The following PPRC1 variants were observed in gnomAD, a reference collection of about 807,000 sequenced individuals.
The protein encoded by PPRC1 is PPARG related coactivator 1, also known as peroxisome proliferator-activated receptor gamma coactivator-related protein 1.
Under a neutral mutation model 132.5 loss-of-function variants are expected in PPRC1, and 23 were observed. The ratio of observed to expected loss-of-function variants is 0.17; its 90% confidence interval spans 0.12 to 0.25. The LOEUF (loss-of-function observed/expected upper bound fraction) is 0.25, where lower values mean the gene tolerates loss of function less well. PPRC1 is among the 10% of genes least tolerant of loss of function. PPRC1 has a pLI of 1.00. For synonymous variants in PPRC1, 872 were observed against 833.5 expected (o/e 1.05, Z -0.80); for missense variants, 2,006 against 2,089.1 (o/e 0.96, Z 0.78).
chr10:102,137,212 G>A lies in PPRC1; in HGVS notation c.154-638G>A, dbSNP rs532573268. Among the ~76,000 whole-genome samples the A allele has an allele frequency of 2.7e-3, 409 of 152,196 alleles. 1 individual carries two copies. Among genetic ancestry groups the A allele is most frequent in the African/African-American group, 8.8e-3 (366 of 41,540 alleles). On this transcript the variant is annotated intron_variant, in intron 1 of 13. Coordinates refer to ENST00000278070, the MANE Select transcript of PPRC1 (RefSeq NM_015062.5). ...AAATTAGCTGGGCGTGGTGGTGGGC[G>A]CCTATAATCCCAGCTGCTCCGGAGG...
chr10:102,138,561 T>A, intron 2 of PPRC1, 58 bp from the exon 3 acceptor site: 1 of 1,584,276 alleles, frequency 6.3e-7, no homozygotes, highest in Admixed American at 1.7e-5. Flanking sequence ...CAGTCCTTAG[T>A]GGCATAGTAG....
At chr10:102,122,411 A>G in the PPRC1 span, among the ~76,000 whole-genome samples, 1 of 150,992 alleles carries the variant, frequency 6.6e-6, no homozygotes, top group Non-Finnish European at 1.5e-5. Context: ...ACACCCAGTC[A>G]CGTAGCCCAG....
the PPRC1 span, among the ~76,000 whole-genome samples, chr10:102,127,875 A>G: frequency 1.3e-5 from 2 of 151,642 alleles, no homozygotes; most frequent in Non-Finnish European, 2.9e-5. Context: ...TTTTCTAGAG[A>G]CAGGGGTTTC....
the PPRC1 span, among the ~76,000 whole-genome samples, chr10:102,122,652 A>C: frequency 8.6e-5 from 13 of 151,866 alleles, no homozygotes; most frequent in African/African-American, 3.1e-4. Flanking sequence ...CCAAACAACT[A>C]GCTTGGTCAG....
upstream of PPRC1, among the ~76,000 whole-genome samples, chr10:102,131,724 C>T (rs528014556): frequency 1.3e-5 from 2 of 152,224 alleles, no homozygotes; most frequent in African/African-American, 4.8e-5. Context: ...GTGGCATGAT[C>T]TTGGCTCACT....
chr10:102,139,553 G>T lies in PPRC1; in HGVS notation c.1045G>T (p.Val349Leu). The T allele has an allele frequency of 6.2e-7, 1 of 1,613,934 alleles. No homozygotes were observed. The highest frequency in any genetic ancestry group is 1.3e-5 in the African/African-American group (1 of 75,062). The change falls in exon 5 of 14, where the codon GTG becomes TTG. Residue 349 changes from valine (V) to leucine (L), a missense_variant. By Grantham distance (32) the Val-to-Leu change is conservative. Transcript: ENST00000278070. ...LPEGCVVLEI[V>L]GQAATAGDDL... ...TGAGGGCTGCGTAGTGCTGGAGATT[G>T]TGGGGCAGGCAGCCACAGCTGGCGA...
intron 8 of PPRC1, among the ~76,000 whole-genome samples, chr10:102,145,849 G>A (rs1484428415): frequency 6.6e-6 from 1 of 152,026 alleles, no homozygotes; most frequent in Non-Finnish European, 1.5e-5. Context: ...TAGGCGACAG[G>A]GCAAGACTCT....
At position 102,148,837 on chromosome 10, in the gene PPRC1, C is replaced by T. The variant is rs1432966812; in HGVS notation, c.4638C>T (p.Phe1546=). 6.2e-7 allele frequency: 1 copy of T among 1,614,114 alleles called. No homozygotes were observed. Among genetic ancestry groups the T allele is most frequent in the African/African-American group, 1.3e-5 (1 of 75,014 alleles). The part of the protein sequence containing the change: ...ERAIEERRVV[F]IGKIPGRMTR... ...CATAGGAAGAAAGAAGGGTGGTCTT[C>T]ATTGGAAAGATACCTGGCCGCATGA... is the stretch of plus-strand genomic sequence containing the variant. Residue 1546 remains phenylalanine, a synonymous_variant, in exon 12 of 14, where the codon TTC becomes TTT. Transcript: ENST00000278070. This position sits in a 1 kb window ranked among gnomAD's most constrained non-coding sequence, Gnocchi z 4.2.
At position 102,148,988 on chromosome 10, in the gene PPRC1, C is replaced by G; in HGVS notation, c.4739+50C>G. On this transcript the variant is annotated intron_variant, in intron 12 of 13. Transcript: ENST00000278070. The surrounding 1 kb of genome is among the most constrained non-coding windows in gnomAD (Gnocchi z 4.2). Reference sequence around the variant, plus strand: ...ATGTTCTTTCTATCCCATTCATCTACCTTGGTGTTTCTTTGTCTTGCCTCC... The same window carrying G: ...ATGTTCTTTCTATCCCATTCATCTAGCTTGGTGTTTCTTTGTCTTGCCTCC... The G allele has an allele frequency of 6.2e-7, 1 of 1,600,320 alleles. No individual in the cohort carries two copies. Among genetic ancestry groups the G allele is most frequent in the South Asian group, 1.1e-5 (1 of 89,200 alleles).
intron 7 of PPRC1, 180 bp downstream of exon 7, chr10:102,144,487 G>T: frequency 1.6e-6 from 1 of 629,234 alleles, no homozygotes; most frequent in Non-Finnish European, 2.8e-6. Context: ...GGGTGGTGAG[G>T]TGAGAACGGG....
rs1472403505 is a variant in PPRC1, at chr10:102,141,742, G to C, written c.3234G>C (p.Gln1078His). 1.1e-5 allele frequency: 17 copies of C among 1,613,990 alleles called. No homozygotes were observed. The East Asian group carries it at 3.3e-4, about 32-fold the overall frequency. The change falls in exon 5 of 14, where the codon CAG becomes CAC. Residue 1078 changes from glutamine (Q) to histidine (H), a missense_variant. Coordinates refer to ENST00000278070, the MANE Select transcript of PPRC1 (RefSeq NM_015062.5). ...HKVSALVQSP[Q>H]MKALACVSAE... ...TGTCTGCCCTGGTGCAAAGTCCCCA[G>C]ATGAAGGCTCTAGCATGTGTGTCTG...
At chr10:102,130,635 T>C (rs1190740644), upstream of PPRC1, among the ~76,000 whole-genome samples, 1 of 151,680 alleles carries the variant, frequency 6.6e-6, no homozygotes, top group African/African-American at 2.4e-5. Context: ...CTCAGGAGGC[T>C]GAGGCACAAG....
chr10:102,149,014 T>G, intron 12 of PPRC1, 76 bp downstream of exon 12: 19 of 1,585,318 alleles, frequency 1.2e-5, no homozygotes, highest in Non-Finnish European at 1.5e-5. Context: ...TCTTGCCTCC[T>G]TGCTCTGGTG....
intron 4 of PPRC1, 38 bp from the exon 5 acceptor site, chr10:102,139,062 A>G (rs1377089727): frequency 1.2e-6 from 2 of 1,607,654 alleles, no homozygotes; most frequent in East Asian, 4.5e-5. Flanking sequence ...TACTTTCCCA[A>G]AGAAAACTCC....
At chr10:102,130,416 CAAAAAAAAAAAAAA>C (rs1203599289), upstream of PPRC1, among the ~76,000 whole-genome samples, 4 of 15,970 alleles carry the variant, frequency 2.5e-4, no homozygotes, top group Admixed American at 8.7e-4. Context: ...GAATCCTTCT[CAAAAAAAAAAAAAA>C]AAAAAAAAAA....
chr10:102,147,298 C>A lies in PPRC1; in HGVS notation c.4306C>A (p.Arg1436=). The change falls in exon 9 of 14, where the codon CGG becomes AGG. Residue 1436 remains arginine (R), a synonymous_variant. Coordinates refer to ENST00000278070, the MANE Select transcript of PPRC1 (RefSeq NM_015062.5). ...NSRSVSSGSN[R]TSEASSSSSS... ...CCGTTCTGTCAGCTCTGGGTCCAACCGGACTAGCGAAGCATCTTCCTCATC... is the reference window on the plus strand; with the variant it reads ...CCGTTCTGTCAGCTCTGGGTCCAACAGGACTAGCGAAGCATCTTCCTCATC... 1.2e-6 allele frequency: 2 copies of A among 1,612,750 alleles called. No individual in the cohort carries two copies. Among genetic ancestry groups the A allele is most frequent in the Non-Finnish European group, 1.7e-6 (2 of 1,180,014 alleles).
At chr10:102,137,820 A>G (rs750018296) in intron 1 of PPRC1, 30 bp from the exon 2 acceptor site, 8 of 1,604,602 alleles carry the variant, frequency 5.0e-6, no homozygotes, top group African/African-American at 2.7e-5. Context: ...CAGAGAGCTC[A>G]TACCCTTCTC....
Position 102,141,150 on chromosome 10 carries a change from T to G in PPRC1, c.2642T>G (p.Phe881Cys). The change falls in exon 5 of 14, where the codon TTC becomes TGC. Residue 881 changes from phenylalanine to cysteine, a missense_variant. Coordinates refer to ENST00000278070, the MANE Select transcript of PPRC1 (RefSeq NM_015062.5). ...CCCTCGATGTCTGCTGCCCTGCCTT[T>G]CCCTGCAGGTGGGCTTGGCATGCCC... ...TPPSMSAALPFPAGGLGMPPS... is the reference protein window; with the variant it reads ...TPPSMSAALPCPAGGLGMPPS... 1 of 1,613,962 alleles carries G rather than the reference T, an allele frequency of 6.2e-7. No homozygotes were observed. Among genetic ancestry groups the G allele is most frequent in the South Asian group, 1.1e-5 (1 of 91,082 alleles).
At position 102,148,532 on chromosome 10, in the gene PPRC1, G is replaced by A; in HGVS notation, c.4550+11G>A. ...TGACAGGAGGCGGCGGTGAGCATGT[G>A]TTCAGGGAGCGCCATGCACCTGGGA... On this transcript the variant is annotated intron_variant, in intron 10 of 13. Coordinates refer to ENST00000278070, the MANE Select transcript of PPRC1 (RefSeq NM_015062.5). The surrounding 1 kb of genome is among the most constrained non-coding windows in gnomAD (Gnocchi z 4.2). 1.9e-6 allele frequency: 3 copies of A among 1,613,010 alleles called. No homozygotes were observed. Among genetic ancestry groups the A allele is most frequent in the Non-Finnish European group, 1.7e-6 (2 of 1,178,942 alleles).
Sources: gnomAD v4.1 joint callset for allele counts (sites outside exome capture counted in the v4.1 genomes callset) on GRCh38, gnomAD v4.1.1 for gene constraint, Gnocchi (gnomAD v3.1) non-coding constraint, MANE v1.5 for transcripts, NCBI Gene and HGNC (gene_info 2026-07-23, HGNC 2026-07-21) for gene names.